The following RPAP2 variants were observed in gnomAD, a reference collection of about 807,000 sequenced individuals.
The protein encoded by RPAP2 is putative RNA polymerase II subunit B1 CTD phosphatase RPAP2.
Under a neutral mutation model 73.1 loss-of-function variants are expected in RPAP2, and 52 were observed. The observed-to-expected ratio is 0.71, with a 90% CI of 0.57 to 0.90. RPAP2 has a LOEUF of 0.90. Ranked by LOEUF, RPAP2 falls within the 40% of genes least tolerant of loss-of-function variation. The probability of loss-of-function intolerance (pLI) is 0.00; values close to 1 mark genes in which losing one functional copy is unlikely to be tolerated. For missense variants in RPAP2, 598 were observed against 701.8 expected (o/e 0.85, Z 1.67); for synonymous variants, 225 against 242.1 (o/e 0.93, Z 0.65).
rs1387775965 is a variant in RPAP2 at position 92,358,525 on chromosome 1, A to G, written c.1688+12611A>G. Among the ~76,000 whole-genome samples the G allele has an allele frequency of 2.0e-5, 3 of 152,124 alleles. No homozygotes were observed. In the East Asian group the frequency reaches 5.8e-4, roughly 29 times the overall value. On this transcript the variant is annotated intron_variant, in intron 11 of 12. Transcript: ENST00000610020. ...TGTTTTCAGTTTTATATTTAATTGT[A>G]TGATTACTTGATTAATGTATGCTTG...
At chr1:92,351,387 C>A (rs981218313) in intron 11 of RPAP2, among the ~76,000 whole-genome samples, 3 of 150,190 alleles carry the variant, frequency 2.0e-5, no homozygotes, top group Admixed American at 6.7e-5. Flanking sequence ...CAAAGTATAT[C>A]ATATTTGTTT....
chr1:92,398,417 C>A lies in RPAP2; in HGVS notation c.*11406C>A, dbSNP rs913033196. On this transcript the variant is annotated 3_prime_UTR_variant, in exon 13 of 13. Transcript: ENST00000610020. ...AGCATCTTCTGCTTATAGTCATGTC[C>A]AAAAACCAGTTGATCTTCCTACTCA... 6.6e-6 allele frequency: 1 copy of A among 152,104 alleles called. No homozygotes were observed. Among genetic ancestry groups the A allele is most frequent in the Non-Finnish European group, 1.5e-5 (1 of 68,018 alleles). The allele number at this position is 152,104 out of a possible 1,614,324, so 9.4% of individuals were successfully genotyped here. A position where few individuals can be genotyped will look rare whatever the true frequency, so the allele number is the denominator to read the frequency against.
In RPAP2 at chr1:92,390,890, T is replaced by C. The variant is rs1240187180; in HGVS notation, c.*3879T>C. 4 of 152,198 alleles carry C rather than the reference T, an allele frequency of 2.6e-5. No individual in the cohort carries two copies. The highest frequency in any genetic ancestry group is 5.9e-5 in the Non-Finnish European group (4 of 68,044). 9.4% of individuals were successfully genotyped at this position (152,198 alleles called of 1,614,324 possible). A position where few individuals can be genotyped will look rare whatever the true frequency, so the allele number is the denominator to read the frequency against. On this transcript the variant is annotated 3_prime_UTR_variant, in exon 13 of 13. Transcript: ENST00000610020. ...CCCAATACAGGAGCACCCAGATTCA[T>C]AAAGCAAGTTCTACAAAGAGATTTA...
chr1:92,356,715 A>G (rs1052106008), intron 11 of RPAP2, among the ~76,000 whole-genome samples: 8 of 150,460 alleles, frequency 5.3e-5, no homozygotes, highest in Non-Finnish European at 1.2e-4. Context: ...GATTACAGGC[A>G]TGAGCCACCA....
At chr1:92,382,238 A>C (rs1328472172) in intron 12 of RPAP2, among the ~76,000 whole-genome samples, 1 of 152,182 alleles carries the variant, frequency 6.6e-6, no homozygotes, top group Non-Finnish European at 1.5e-5. Context: ...ATATGTGTGC[A>C]TGTGTCTTTA....
intron 6 of RPAP2, among the ~76,000 whole-genome samples, chr1:92,317,279 C>T (rs545437826): frequency 3.9e-5 from 6 of 152,152 alleles, no homozygotes; most frequent in South Asian, 2.1e-4. Flanking sequence ...GAGGCCGAGG[C>T]GGGTGAATCA....
chr1:92,381,391 T>A (rs1168423398), intron 12 of RPAP2, among the ~76,000 whole-genome samples: 4 of 152,130 alleles, frequency 2.6e-5, no homozygotes, highest in African/African-American at 9.7e-5. Flanking sequence ...TCTCCTACTA[T>A]CCCAAACCCT....
In RPAP2 at chr1:92,299,082, C is replaced by G. The variant is rs1283299138; in HGVS notation, c.9C>G (p.Asp3Glu). The G allele has an allele frequency of 2.0e-6, 3 of 1,509,092 alleles. No homozygotes were observed. Among genetic ancestry groups the G allele is most frequent in the East Asian group, 2.6e-5 (1 of 38,448 alleles). 93.5% of individuals were successfully genotyped at this position (1,509,092 alleles called of 1,614,324 possible). MA[D>E]FAGPSSAGRK... ...GCAGACTACTCTCCCCCATGGCGGACTTCGCTGGGCCGTCTTCTGCCGGCC... is the reference window on the plus strand; with the variant it reads ...GCAGACTACTCTCCCCCATGGCGGAGTTCGCTGGGCCGTCTTCTGCCGGCC... Residue 3 changes from aspartate to glutamate, a missense_variant, in exon 1 of 13, where the codon GAC (aspartate) becomes GAG (glutamate). By Grantham distance (45) the Asp-to-Glu change is conservative (BLOSUM62 2). Around this residue, in one of 3 missense-constraint regions of RPAP2, gnomAD observed 77 missense variants for 55.7 expected, o/e 1.38. Coordinates refer to ENST00000610020, the MANE Select transcript of RPAP2 (RefSeq NM_024813.3).
At chr1:92,312,785 C>T (rs1651669567) in intron 6 of RPAP2, among the ~76,000 whole-genome samples, 1 of 152,038 alleles carries the variant, frequency 6.6e-6, no homozygotes, top group African/African-American at 2.4e-5. Context: ...GATATTTTGG[C>T]CTCCTCCCAT....
chr1:92,310,465 G>A (rs539252652), intron 6 of RPAP2, among the ~76,000 whole-genome samples: 1 of 152,180 alleles, frequency 6.6e-6, no homozygotes, highest in Admixed American at 6.5e-5. Context: ...TCTTCCTTTA[G>A]GGAGGAAAAA....
chr1:92,325,731 T>A (rs899742954), intron 8 of RPAP2, among the ~76,000 whole-genome samples: 1 of 152,044 alleles, frequency 6.6e-6, no homozygotes, highest in African/African-American at 2.4e-5. Context: ...ATATATCCCC[T>A]CCTAATCAGC....
intron 11 of RPAP2, among the ~76,000 whole-genome samples, chr1:92,376,276 C>G (rs1427669123): frequency 6.6e-6 from 1 of 151,896 alleles, no homozygotes. Flanking sequence ...GGAGCCAATC[C>G]CCGACAGATA....
At chr1:92,313,206 C>T (rs978150867) in intron 6 of RPAP2, among the ~76,000 whole-genome samples, 15 of 152,090 alleles carry the variant, frequency 9.9e-5, no homozygotes, top group African/African-American at 3.1e-4. Context: ...TGAATCCTTT[C>T]GTGAAGGATT....
At position 92,323,554 on chromosome 1, in the gene RPAP2, C is replaced by T. The variant is rs1652436784; in HGVS notation, c.634C>T (p.His212Tyr). Residue 212 changes from histidine (H) to tyrosine (Y), a missense_variant, in exon 8 of 13, where the codon CAC (histidine) becomes TAC (tyrosine). His to Tyr is a moderately conservative substitution (Grantham distance 83). This residue lies in a region of RPAP2 where 506 missense variants were observed against 612.8 expected (regional missense o/e 0.83). Coordinates refer to ENST00000610020, the MANE Select transcript of RPAP2 (RefSeq NM_024813.3). Reference sequence around the variant, plus strand: ...ATATGAATCTAGTTCTTCTAGCACTCACAGTGATAGTAGCAGTGACAATGA... The same window carrying T: ...ATATGAATCTAGTTCTTCTAGCACTTACAGTGATAGTAGCAGTGACAATGA... The part of the protein sequence containing the change: ...KQYESSSSST[H>Y]SDSSSDNEQD... 3 of 1,613,034 alleles carry T rather than the reference C, an allele frequency of 1.9e-6. No individual in the cohort carries two copies. Among genetic ancestry groups the T allele is most frequent in the African/African-American group, 1.3e-5 (1 of 75,012 alleles).
Position 92,307,221 on chromosome 1 carries a change from A to C in RPAP2, c.433A>C (p.Lys145Gln). The change falls in exon 6 of 13, where the codon AAG becomes CAG. Residue 145 changes from lysine to glutamine, a missense_variant. By Grantham distance (53) the Lys-to-Gln change is moderately conservative (BLOSUM62 1). Coordinates refer to ENST00000610020, the MANE Select transcript of RPAP2 (RefSeq NM_024813.3). ...CAGCAATTTTTGTTATCAAGCATCT[A>C]AGTTTTTTGAAGCACAAATTCCCAA... ...FCSNFCYQAS[K>Q]FFEAQIPKTP... The C allele has an allele frequency of 6.2e-7, 1 of 1,612,178 alleles. No homozygotes were observed. The highest frequency in any genetic ancestry group is 8.5e-7 in the Non-Finnish European group (1 of 1,179,432).
chr1:92,333,539 A>G (rs1653099398), intron 9 of RPAP2, 66 bp downstream of exon 9: 1 of 1,036,152 alleles, frequency 9.7e-7, no homozygotes, highest in Non-Finnish European at 1.5e-6. Flanking sequence ...TAAGCTCATA[A>G]TGTGTAAGTA....
rs1656252317 is a variant in RPAP2, at chr1:92,399,028, T to C, written c.*12017T>C. 6.6e-6 allele frequency: 1 copy of C among 152,188 alleles called. No homozygotes were observed. The highest frequency in any genetic ancestry group is 2.1e-4 in the South Asian group (1 of 4,830). 9.4% of individuals were successfully genotyped at this position (152,188 alleles called of 1,614,324 possible). A position where few individuals can be genotyped will look rare whatever the true frequency, so the allele number is the denominator to read the frequency against. ...CAAAAATACTGTGTTTTGGAAAACA[T>C]TACCAATAAAGGAGCTGGGAGGTGG... On this transcript the variant is annotated 3_prime_UTR_variant, in exon 13 of 13. Coordinates refer to ENST00000610020, the MANE Select transcript of RPAP2 (RefSeq NM_024813.3).
chr1:92,328,768 G>A (rs146600338), intron 8 of RPAP2, among the ~76,000 whole-genome samples: 1 of 152,084 alleles, frequency 6.6e-6, no homozygotes. Flanking sequence ...TTCTCATTTG[G>A]GTAGACTGTG....
chr1:92,315,453 G>T (rs2101143607), intron 6 of RPAP2, among the ~76,000 whole-genome samples: 1 of 152,208 alleles, frequency 6.6e-6, no homozygotes, highest in Admixed American at 6.5e-5. Flanking sequence ...TTGGAAAAAT[G>T]GTGCTGACAG....
Sources: gnomAD v4.1 joint callset for allele counts (sites outside exome capture counted in the v4.1 genomes callset) on GRCh38, gnomAD v4.1.1 for gene constraint, gnomAD v4.1.1 regional missense constraint, MANE v1.5 for transcripts, NCBI Gene and HGNC (gene_info 2026-07-23, HGNC 2026-07-21) for gene names.